The following CAGE1 variants were observed in gnomAD, a reference collection of about 807,000 sequenced individuals.
The protein encoded by CAGE1 is cancer antigen 1.
Under a neutral mutation model 94.9 loss-of-function variants are expected in CAGE1, and 66 were observed. The ratio of observed to expected loss-of-function variants is 0.70; its 90% CI spans 0.57 to 0.85. CAGE1 has a LOEUF of 0.85. Among genes scored for constraint, CAGE1 ranks in the 40% least tolerant of loss-of-function variants. The probability of loss-of-function intolerance (pLI) is 0.00; values close to 1 mark genes in which losing one functional copy is unlikely to be tolerated. For synonymous variants in CAGE1, 319 were observed against 321.0 expected (o/e 0.99, Z 0.07); for missense variants, 865 against 950.4 (o/e 0.91, Z 1.18).
Position 7,352,300 on chromosome 6 carries a change from A to C in CAGE1, c.2369+2741T>G, listed in dbSNP as rs10214616. On this transcript the variant is annotated intron_variant, in intron 11 of 13. Transcript: ENST00000502583. ...TTTTTACAATAGCTGCAAAAAAAAA[A>C]AAAAACAAAAAAAAACAAAAAAAAA... 2.9e-4 allele frequency among the ~76,000 whole-genome samples: 34 copies of C among 115,926 alleles called. 1 individual carries two copies. Among genetic ancestry groups the C allele is most frequent in the African/African-American group, 1.1e-3 (28 of 26,430 alleles). 76.1% of individuals were successfully genotyped at this position (115,926 alleles called of 152,430 possible).
At chr6:7,342,241 A>G (rs1384793957) in intron 11 of CAGE1, among the ~76,000 whole-genome samples, 1 of 152,200 alleles carries the variant, frequency 6.6e-6, no homozygotes, top group Non-Finnish European at 1.5e-5. Flanking sequence ...TTGGAGCTCC[A>G]GGCCACTTAT....
Position 7,389,711 on chromosome 6 carries a change from A to T in CAGE1, c.-533T>A, listed in dbSNP as rs1486280551. Reference sequence around the variant, plus strand: ...CTTCCTGAGAGCACAGAACATCCACAGCCCTATACAGCGCGCCATCCAGAG... The same window carrying T: ...CTTCCTGAGAGCACAGAACATCCACTGCCCTATACAGCGCGCCATCCAGAG... On this transcript the variant is annotated 5_prime_UTR_variant, in exon 1 of 14. Coordinates refer to ENST00000502583, the MANE Select transcript of CAGE1 (RefSeq NM_001170692.2). The T allele has an allele frequency of 4.0e-6, 2 of 495,638 alleles. No individual in the cohort carries two copies. Among genetic ancestry groups the T allele is most frequent in the Non-Finnish European group, 3.6e-6 (1 of 274,504 alleles). 30.7% of individuals were successfully genotyped at this position (495,638 alleles called of 1,614,324 possible). A position where few individuals can be genotyped will look rare whatever the true frequency, so the allele number is the denominator to read the frequency against.
chr6:7,333,710 T>C (rs1022448715), intron 12 of CAGE1, among the ~76,000 whole-genome samples: 8 of 148,562 alleles, frequency 5.4e-5, no homozygotes, highest in African/African-American at 2.0e-4. Context: ...ACTCTGTTGC[T>C]CATGCTGGAG....
intron 11 of CAGE1, among the ~76,000 whole-genome samples, chr6:7,353,479 C>G (rs1157430140): frequency 1.3e-5 from 2 of 152,076 alleles, no homozygotes; most frequent in Non-Finnish European, 2.9e-5. Context: ...CTATGGAAAA[C>G]AGTGTGGAGA....
In CAGE1 at chr6:7,368,710, T is replaced by A; in HGVS notation, c.1982A>T (p.Lys661Ile). ...TACCTCTTTATCTAAAGTTTTCTTTTTAAGATGGAGGCTCTTCAGTTTTTG... is the reference window on the plus strand; with the variant it reads ...TACCTCTTTATCTAAAGTTTTCTTTATAAGATGGAGGCTCTTCAGTTTTTG... ...MLQKLKSLHL[K>I]KKTLDKELLK... is the part of the protein sequence containing the mutation. Residue 661 changes from lysine (K) to isoleucine (I), a missense_variant, in exon 7 of 14, where the codon AAA becomes ATA. By Grantham distance (102) the Lys-to-Ile change is moderately radical (BLOSUM62 -3). Coordinates refer to ENST00000502583, the MANE Select transcript of CAGE1 (RefSeq NM_001170692.2). 1.3e-6 allele frequency: 2 copies of A among 1,523,702 alleles called. No homozygotes were observed. Among genetic ancestry groups the A allele is most frequent in the Non-Finnish European group, 1.8e-6 (2 of 1,132,032 alleles). 94.4% of individuals were successfully genotyped at this position (1,523,702 alleles called of 1,614,324 possible).
chr6:7,372,228 T>A (rs895317554), intron 5 of CAGE1, among the ~76,000 whole-genome samples: 3 of 152,088 alleles, frequency 2.0e-5, no homozygotes, highest in Admixed American at 6.6e-5. Context: ...TTCCAGCACT[T>A]TGGGAGGCTG....
intron 9 of CAGE1, among the ~76,000 whole-genome samples, chr6:7,361,133 A>G (rs913718704): frequency 2.6e-5 from 4 of 152,218 alleles, no homozygotes; most frequent in African/African-American, 9.6e-5. Context: ...AAATAATGAC[A>G]AATCTGGTTG....
At chr6:7,338,017 T>TATA (rs1317239038) in intron 11 of CAGE1, among the ~76,000 whole-genome samples, 1 of 152,258 alleles carries the variant, frequency 6.6e-6, no homozygotes, top group East Asian at 1.9e-4. Context: ...TAATTTTTAG[T>TATA]ATATGAGTCT....
intron 4 of CAGE1, among the ~76,000 whole-genome samples, chr6:7,375,564 C>T (rs1288626544): frequency 6.6e-6 from 1 of 152,094 alleles, no homozygotes; most frequent in Non-Finnish European, 1.5e-5. Context: ...CAGTGATACC[C>T]TATCTCTTCA....
intron 11 of CAGE1, among the ~76,000 whole-genome samples, chr6:7,344,678 T>G (rs1370145420): frequency 2.0e-5 from 3 of 152,210 alleles, no homozygotes; most frequent in African/African-American, 4.8e-5. Flanking sequence ...CAGCTGAGCT[T>G]CTGAGTCTGG....
chr6:7,348,019 T>C (rs1759627634), intron 11 of CAGE1, among the ~76,000 whole-genome samples: 1 of 148,366 alleles, frequency 6.7e-6, no homozygotes, highest in African/African-American at 2.6e-5. Flanking sequence ...CATATATTCT[T>C]GGGAGTTCTA....
chr6:7,365,388 G>T, intron 9 of CAGE1, 80 bp downstream of exon 9: 1 of 1,155,894 alleles, frequency 8.7e-7, no homozygotes. Flanking sequence ...GTTTTTTGAA[G>T]GATGATAACT....
At chr6:7,352,300 A>ATAC (rs1561855891) in intron 11 of CAGE1, among the ~76,000 whole-genome samples, 2 of 115,884 alleles carry the variant, frequency 1.7e-5, no homozygotes, top group Non-Finnish European at 3.4e-5. Context: ...CAAAAAAAAA[A>ATAC]AAAAACAAAA....
Position 7,374,082 on chromosome 6 carries a change from A to G in CAGE1, c.737T>C (p.Met246Thr), listed in dbSNP as rs1417218522. 1 of 1,613,926 alleles carries G rather than the reference A, an allele frequency of 6.2e-7. No homozygotes were observed. The highest frequency in any genetic ancestry group is 1.1e-5 in the South Asian group (1 of 91,064). Reference protein sequence around the residue: ...EIQNYGEIPEMSVSYEKEVTA... With the variant: ...EIQNYGEIPETSVSYEKEVTA... Reference sequence around the variant, plus strand: ...GACTTCCTTTTCATAACTGACTGACATCTCAGGAATCTCCCCATAATTCTG... The same window carrying G: ...GACTTCCTTTTCATAACTGACTGACGTCTCAGGAATCTCCCCATAATTCTG... The change falls in exon 5 of 14, where the codon ATG becomes ACG. Residue 246 changes from methionine (M) to threonine (T), a missense_variant. Transcript: ENST00000502583.
intron 5 of CAGE1, 101 bp downstream of exon 5, chr6:7,372,972 C>A: frequency 1.2e-6 from 1 of 855,632 alleles, no homozygotes; most frequent in Middle Eastern, 3.6e-4. Flanking sequence ...TTTAATAATT[C>A]TTTCTGCAAA....
chr6:7,333,014 G>T (rs757420995), intron 12 of CAGE1, among the ~76,000 whole-genome samples: 24 of 151,822 alleles, frequency 1.6e-4, no homozygotes, highest in Non-Finnish European at 3.1e-4. Context: ...GCAGTGGCAC[G>T]ATCTCAGCTC....
rs1302153747 is a variant in CAGE1 at position 7,334,687 on chromosome 6, C to T, written c.2370-597G>A. On this transcript the variant is annotated intron_variant, in intron 11 of 13. Coordinates refer to ENST00000502583, the MANE Select transcript of CAGE1 (RefSeq NM_001170692.2). ...AGGTTGCAGTGAGCCAAGACCGTGCCACTGCACTTCAGCCTGGGACAGAGC... is the reference window on the plus strand; with the variant it reads ...AGGTTGCAGTGAGCCAAGACCGTGCTACTGCACTTCAGCCTGGGACAGAGC... 2.3e-5 allele frequency among the ~76,000 whole-genome samples: 3 copies of T among 129,480 alleles called. No homozygotes were observed. The East Asian group carries it at 6.8e-4, about 29-fold the overall frequency. The allele number at this position is 129,480 out of a possible 152,430, so 84.9% of individuals were successfully genotyped here. A position where few individuals can be genotyped will look rare whatever the true frequency, so the allele number is the denominator to read the frequency against.
intron 11 of CAGE1, chr6:7,338,689 C>A: frequency 4.9e-6 from 3 of 612,244 alleles, no homozygotes; most frequent in South Asian, 1.9e-5. Flanking sequence ...AATTTGTAAT[C>A]TTTTATCCCT....
intron 7 of CAGE1, among the ~76,000 whole-genome samples, chr6:7,367,082 A>C (rs12208276): frequency 0.39 from 58,976 of 151,784 alleles, 11,691 homozygotes; most frequent in African/African-American, 0.45. Context: ...TTTAATGAAC[A>C]CCACGTAACT....
Sources: gnomAD v4.1 joint callset for allele counts (sites outside exome capture counted in the v4.1 genomes callset) on GRCh38, gnomAD v4.1.1 for gene constraint, MANE v1.5 for transcripts, NCBI Gene and HGNC (gene_info 2026-07-23, HGNC 2026-07-21) for gene names.